The following TMEM184C variants were observed in gnomAD, a reference collection of about 807,000 sequenced individuals.
The protein encoded by TMEM184C is transmembrane protein 184C.
Under a neutral mutation model 54.5 loss-of-function variants are expected in TMEM184C, and 25 were observed. The observed-to-expected ratio is 0.46, with a 90% CI of 0.33 to 0.64. TMEM184C has a LOEUF of 0.64. Among genes scored for constraint, TMEM184C ranks in the 30% least tolerant of loss-of-function variants. The pLI is 0.02. For missense variants in TMEM184C, 335 were observed against 520.3 expected (o/e 0.64, Z 3.46); for synonymous variants, 148 against 181.5 (o/e 0.82, Z 1.49).
chr4:147,624,001 T>C (rs1578858255), intron 2 of TMEM184C, 37 bp downstream of exon 2: 3 of 1,612,202 alleles, frequency 1.9e-6, no homozygotes, highest in Non-Finnish European at 2.5e-6. Flanking sequence ...TACTGTTGTG[T>C]TGGCTTATTT....
In TMEM184C at chr4:147,617,567, G is replaced by T. The variant is rs990947823; in HGVS notation, c.-390G>T. The T allele has an allele frequency of 5.4e-6, 1 of 186,510 alleles. No individual in the cohort carries two copies. Among genetic ancestry groups the T allele is most frequent in the Non-Finnish European group, 1.2e-5 (1 of 84,870 alleles). The allele number at this position is 186,510 out of a possible 1,614,324, so 11.6% of individuals were successfully genotyped here. The stretch of plus-strand genomic sequence containing the variant: ...GGGCAGGCAGCTGCGAGACAGAACC[G>T]GAGTGTGCAGGGTCCCTAGAGGCCG... On this transcript the variant is annotated 5_prime_UTR_variant, in exon 1 of 10. Transcript: ENST00000296582.
intron 5 of TMEM184C, 64 bp downstream of exon 5, chr4:147,628,499 A>ATGTTTTCTACTT: frequency 1.5e-6 from 2 of 1,347,126 alleles, no homozygotes; most frequent in Non-Finnish European, 2.1e-6. Context: ...GGGAACAACT[A>ATGTTTTCTACTT]AGTAGAAAAC....
At chr4:147,633,093 T>C in intron 8 of TMEM184C, 91 bp downstream of exon 8, 1 of 1,073,364 alleles carries the variant, frequency 9.3e-7, no homozygotes, top group Non-Finnish European at 1.4e-6. Context: ...ACACAGGGTA[T>C]GGGGCTATTA....
chr4:147,630,217 G>A (rs547060260), intron 6 of TMEM184C, among the ~76,000 whole-genome samples: 2 of 152,160 alleles, frequency 1.3e-5, no homozygotes, highest in African/African-American at 4.8e-5. Flanking sequence ...GACCTATGAT[G>A]TAATGTCCTA....
chr4:147,634,689 A>C lies in TMEM184C; in HGVS notation c.*255A>C. ...AAATGGTAGACAATGACCCCAACTA[A>C]ATCTTCCTGATGTTACACTGCTTTA... On this transcript the variant is annotated 3_prime_UTR_variant, in exon 10 of 10. Transcript: ENST00000296582. 1 of 399,034 alleles carries C rather than the reference A, an allele frequency of 2.5e-6. No individual in the cohort carries two copies. Among genetic ancestry groups the C allele is most frequent in the Non-Finnish European group, 4.5e-6 (1 of 223,788 alleles). The allele number at this position is 399,034 out of a possible 1,614,324, so 24.7% of individuals were successfully genotyped here.
In TMEM184C at chr4:147,623,939, C is replaced by T. The variant is rs746247769; in HGVS notation, c.229C>T (p.Pro77Ser). The part of the protein sequence containing the change: ...ILQHLVHYTQ[P>S]ELQKPIIRIL... ...GCAACACTTAGTGCATTATACACAA[C>T]CTGAACTACAAAAACCAATAATAAG... The change falls in exon 2 of 10, where the codon CCT (proline) becomes TCT (serine). Residue 77 changes from proline to serine, a missense_variant. Physicochemically the swap from Pro to Ser is moderately conservative, Grantham distance 74 (BLOSUM62 -1). Transcript: ENST00000296582. The T allele has an allele frequency of 6.2e-7, 1 of 1,613,944 alleles. No individual in the cohort carries two copies. The highest frequency in any genetic ancestry group is 8.5e-7 in the Non-Finnish European group (1 of 1,179,926).
In TMEM184C at chr4:147,634,659, T is replaced by C. The variant is rs2126556125; in HGVS notation, c.*225T>C. 1 of 492,346 alleles carries C rather than the reference T, an allele frequency of 2.0e-6. No individual in the cohort carries two copies. Among genetic ancestry groups the C allele is most frequent in the East Asian group, 3.3e-5 (1 of 30,128 alleles). 30.5% of individuals were successfully genotyped at this position (492,346 alleles called of 1,614,324 possible). A position where few individuals can be genotyped will look rare whatever the true frequency, so the allele number is the denominator to read the frequency against. On this transcript the variant is annotated 3_prime_UTR_variant, in exon 10 of 10. Transcript: ENST00000296582. ...GATTTCTTAACATTAGGGTATCGCA[T>C]ACTCAAATGGTAGACAATGACCCCA...
In TMEM184C at chr4:147,623,887, T is replaced by A; in HGVS notation, c.177T>A (p.Thr59=). 6.2e-7 allele frequency: 1 copy of A among 1,614,042 alleles called. No individual in the cohort carries two copies. Among genetic ancestry groups the A allele is most frequent in the Non-Finnish European group, 8.5e-7 (1 of 1,179,932 alleles). ...TTGCTGGAATCTTTTTGCTGTTGAC[T>A]ATTCCTATATCACTGTGGGTGATAT... is the stretch of plus-strand genomic sequence containing the variant. ...WFIAGIFLLL[T]IPISLWVILQ... Residue 59 remains threonine, a synonymous_variant, in exon 2 of 10, where the codon ACT becomes ACA. Coordinates refer to ENST00000296582, the MANE Select transcript of TMEM184C (RefSeq NM_018241.3).
intron 9 of TMEM184C, 79 bp downstream of exon 9, chr4:147,634,015 A>C: frequency 6.5e-7 from 1 of 1,533,558 alleles, no homozygotes; most frequent in Non-Finnish European, 8.8e-7. Flanking sequence ...TTTATTATCT[A>C]TTTAGAGATG....
intron 1 of TMEM184C, among the ~76,000 whole-genome samples, chr4:147,619,988 T>A (rs922232066): frequency 6.6e-6 from 1 of 152,180 alleles, no homozygotes; most frequent in South Asian, 2.1e-4. Context: ...CCTCTGACTT[T>A]TTCTCCTCAA....
At chr4:147,628,553 T>TAA (rs559371437) in intron 5 of TMEM184C, 118 bp downstream of exon 5, 4 of 790,422 alleles carry the variant, frequency 5.1e-6, no homozygotes, top group African/African-American at 1.8e-5. Context: ...TAGTCTGTTG[T>TAA]AAAAAAAAAC....
intron 1 of TMEM184C, among the ~76,000 whole-genome samples, chr4:147,622,511 A>T (rs565252004): frequency 2.0e-5 from 3 of 152,202 alleles, no homozygotes; most frequent in Non-Finnish European, 4.4e-5. Flanking sequence ...TATGTATAGG[A>T]AAAAACATAG....
chr4:147,627,212 T>C (rs1271105782), intron 4 of TMEM184C, among the ~76,000 whole-genome samples: 1 of 152,208 alleles, frequency 6.6e-6, no homozygotes. Flanking sequence ...AAAGTTTGTC[T>C]AAATGAGAGT....
intron 4 of TMEM184C, among the ~76,000 whole-genome samples, chr4:147,627,646 C>A (rs1578859921): frequency 6.6e-6 from 1 of 152,166 alleles, no homozygotes; most frequent in Non-Finnish European, 1.5e-5. Context: ...GGTGTGGGGG[C>A]ACACACCTAC....
chr4:147,629,411 G>A (rs1439930311), intron 5 of TMEM184C, among the ~76,000 whole-genome samples, 188 bp from the exon 6 acceptor site: 1 of 151,834 alleles, frequency 6.6e-6, no homozygotes, highest in Non-Finnish European at 1.5e-5. Context: ...ACCACCTCTA[G>A]ATCCAAAGTC....
rs199963604 is a variant in TMEM184C at position 147,634,436 on chromosome 4, C to T, written c.*2C>T. On this transcript the variant is annotated 3_prime_UTR_variant, in exon 10 of 10. Coordinates refer to ENST00000296582, the MANE Select transcript of TMEM184C (RefSeq NM_018241.3). ...TCAGATAAATCCGTGGATTCCTGAA[C>T]AGTATGGAAAAGCAAACTGTGCAAC... 8.1e-6 allele frequency: 13 copies of T among 1,613,114 alleles called. No homozygotes were observed. In the East Asian group the frequency reaches 2.9e-4, roughly 36 times the overall value.
chr4:147,623,091 A>G (rs952671642), intron 1 of TMEM184C, among the ~76,000 whole-genome samples: 1 of 152,034 alleles, frequency 6.6e-6, no homozygotes, highest in African/African-American at 2.4e-5. Context: ...TGTTCTCCAT[A>G]CTTTTGTTTT....
chr4:147,632,818 A>ATT, intron 7 of TMEM184C, 85 bp from the exon 8 acceptor site: 14 of 1,183,232 alleles, frequency 1.2e-5, no homozygotes, highest in Non-Finnish European at 1.7e-5. Context: ...GTTGCACTGG[A>ATT]TTTTTTTTTA....
intron 1 of TMEM184C, among the ~76,000 whole-genome samples, chr4:147,620,647 G>A (rs556676084): frequency 6.6e-6 from 1 of 152,338 alleles, no homozygotes; most frequent in Admixed American, 6.5e-5. Flanking sequence ...TTAGAAGTGA[G>A]CAAACAAGAC....
Sources: gnomAD v4.1 joint callset for allele counts (sites outside exome capture counted in the v4.1 genomes callset) on GRCh38, gnomAD v4.1.1 for gene constraint, MANE v1.5 for transcripts, NCBI Gene and HGNC (gene_info 2026-07-23, HGNC 2026-07-21) for gene names.